Variants in CD81 observed in about 807,000 individuals in gnomAD.
CD81 encodes the protein CD81 antigen.
CD81 carries 10 observed loss-of-function variants against 30.1 expected under a neutral mutation model. The ratio of observed to expected loss-of-function variants is 0.33; its 90% CI spans 0.21 to 0.56. The LOEUF (loss-of-function observed/expected upper bound fraction) is 0.56, where lower values mean the gene tolerates loss of function less well. CD81 is among the 20% of genes least tolerant of loss of function. The pLI, the probability that CD81 is intolerant of heterozygous loss-of-function variation, is 0.89. For synonymous variants in CD81, 147 were observed against 126.4 expected (o/e 1.16, Z -1.10); for missense variants, 263 against 308.7 (o/e 0.85, Z 1.11).
At chr11:2,380,496 G>A (rs1276239940) in intron 1 of CD81, among the ~76,000 whole-genome samples, 6 of 152,112 alleles carry the variant, frequency 3.9e-5, no homozygotes, top group Non-Finnish European at 8.8e-5. Flanking sequence ...GCCAAGGTGC[G>A]AGGGGGAAGG....
chr11:2,395,639 C>A, intron 5 of CD81, 119 bp downstream of exon 5: 1 of 848,728 alleles, frequency 1.2e-6, no homozygotes, highest in Non-Finnish European at 1.9e-6. Context: ...CCCTTGGGAC[C>A]TCCAGGACCC....
At position 2,377,536 on chromosome 11, in the gene CD81, C is replaced by G; in HGVS notation, c.-14C>G. The stretch of plus-strand genomic sequence containing the variant: ...CGGCCCGCGCCCCGCAGGCCGCCCG[C>G]CGCCCGCGCCGCCATGGGAGTGGAG... On this transcript the variant is annotated 5_prime_UTR_variant, in exon 1 of 8. Transcript: ENST00000263645. This position sits in a 1 kb window ranked among gnomAD's most constrained non-coding sequence, Gnocchi z 7.7. 1 of 1,375,674 alleles carries G rather than the reference C, an allele frequency of 7.3e-7. No individual in the cohort carries two copies. Among genetic ancestry groups the G allele is most frequent in the African/African-American group, 1.5e-5 (1 of 64,926 alleles). 85.2% of individuals were successfully genotyped at this position (1,375,674 alleles called of 1,614,324 possible). A position where few individuals can be genotyped will look rare whatever the true frequency, so the allele number is the denominator to read the frequency against.
chr11:2,391,528 C>G (rs1232498980), intron 2 of CD81: 1 of 152,294 alleles, frequency 6.6e-6, no homozygotes, highest in Admixed American at 6.5e-5. Context: ...CTTCCCCATG[C>G]CCCGCTCATG....
chr11:2,394,076 G>C lies in CD81; in HGVS notation c.182-19G>C. 6 of 1,596,808 alleles carry C rather than the reference G, an allele frequency of 3.8e-6. No individual in the cohort carries two copies. Among genetic ancestry groups the C allele is most frequent in the Non-Finnish European group, 5.1e-6 (6 of 1,165,184 alleles). On this transcript the variant is annotated intron_variant, in intron 2 of 7. Transcript: ENST00000263645. ...TGGCGAGTGTGTAGGCACCCACCTG[G>C]TGTCTCTCTCCCCGCAAGGCATCTA...
At position 2,395,443 on chromosome 11, in the gene CD81, G is replaced by A. The variant is rs1481282193; in HGVS notation, c.382G>A (p.Asp128Asn). The stretch of plus-strand genomic sequence containing the variant: ...CGCCAAGGATGTGAAGCAGTTCTAT[G>A]ACCAGGCCCTACAGCAGGCCGTGGT... ...QIAKDVKQFY[D>N]QALQQAVVDD... is the part of the protein sequence containing the mutation. Residue 128 changes from aspartate (D) to asparagine (N), a missense_variant, in exon 5 of 8, where the codon GAC (aspartate) becomes AAC (asparagine). Coordinates refer to ENST00000263645, the MANE Select transcript of CD81 (RefSeq NM_004356.4). The A allele has an allele frequency of 6.2e-7, 1 of 1,612,770 alleles. No individual in the cohort carries two copies.
At position 2,395,462 on chromosome 11, in the gene CD81, C is replaced by T; in HGVS notation, c.401C>T (p.Ala134Val). The change falls in exon 5 of 8, where the codon GCC becomes GTC. Residue 134 changes from alanine (A) to valine (V), a missense_variant. Around this residue, in one of 3 missense-constraint regions of CD81, gnomAD observed 176 missense variants for 192.9 expected, o/e 0.91. Transcript: ENST00000263645. ...KQFYDQALQQ[A>V]VVDDDANNAK... ...TTCTATGACCAGGCCCTACAGCAGGCCGTGGTGGATGATGACGCCAACAAC... is the reference window on the plus strand; with the variant it reads ...TTCTATGACCAGGCCCTACAGCAGGTCGTGGTGGATGATGACGCCAACAAC... 1 of 1,612,796 alleles carries T rather than the reference C, an allele frequency of 6.2e-7. No individual in the cohort carries two copies. Among genetic ancestry groups the T allele is most frequent in the Non-Finnish European group, 8.5e-7 (1 of 1,179,904 alleles).
At chr11:2,376,681 C>G (rs1589842298), upstream of CD81, 2 of 152,266 alleles carry the variant, frequency 1.3e-5, no homozygotes, top group Non-Finnish European at 2.9e-5. Flanking sequence ...GGGAGCTGCC[C>G]TCTCAGGCCC....
intron 2 of CD81, chr11:2,393,312 A>G (rs1339949340): frequency 1.3e-5 from 2 of 153,566 alleles, no homozygotes; most frequent in Non-Finnish European, 1.4e-5. Flanking sequence ...TCTCGGGCCC[A>G]CAGTGCGCCC....
chr11:2,395,374 G>T (rs1363876619), intron 4 of CD81, 42 bp from the exon 5 acceptor site: 2 of 1,506,102 alleles, frequency 1.3e-6, no homozygotes, highest in Non-Finnish European at 1.8e-6. Context: ...GGGCAAGGAG[G>T]GGGAGGTTCC....
chr11:2,386,458 T>G (rs1477040180), intron 1 of CD81: 5 of 690,284 alleles, frequency 7.2e-6, no homozygotes, highest in Non-Finnish European at 1.1e-5. Flanking sequence ...GGTGCTGCCA[T>G]TGCCCTCCCT....
chr11:2,389,749 C>T (rs962976034), intron 1 of CD81, among the ~76,000 whole-genome samples: 1 of 152,130 alleles, frequency 6.6e-6, no homozygotes, highest in Non-Finnish European at 1.5e-5. Context: ...GCTGACATCC[C>T]ACAGCAGGGA....
chr11:2,379,017 A>C, intron 1 of CD81: 1 of 396,118 alleles, frequency 2.5e-6, no homozygotes, highest in Non-Finnish European at 5.2e-6. Flanking sequence ...GGTGGGAGTC[A>C]CTGTGGCCTT....
Position 2,390,440 on chromosome 11 carries a change from C to T in CD81, c.95C>T (p.Ala32Val), listed in dbSNP as rs967772801. 2.5e-6 allele frequency: 4 copies of T among 1,612,732 alleles called. No homozygotes were observed. The highest frequency in any genetic ancestry group is 2.7e-5 in the African/African-American group (2 of 74,942). ...GCTGGAGGCGTGATCCTGGGTGTGGCCCTGTGGCTCCGCCATGACCCGCAG... is the reference window on the plus strand; with the variant it reads ...GCTGGAGGCGTGATCCTGGGTGTGGTCCTGTGGCTCCGCCATGACCCGCAG... ...WLAGGVILGVALWLRHDPQTT... is the reference protein window; with the variant it reads ...WLAGGVILGVVLWLRHDPQTT... Residue 32 changes from alanine to valine, a missense_variant, in exon 2 of 8, where the codon GCC (alanine) becomes GTC (valine). By Grantham distance (64) the Ala-to-Val change is moderately conservative (BLOSUM62 0). Around this residue, in one of 3 missense-constraint regions of CD81, gnomAD observed 84 missense variants for 98.2 expected, o/e 0.86. Transcript: ENST00000263645.
chr11:2,386,481 TA>T (rs984518534), intron 1 of CD81: 20 of 708,898 alleles, frequency 2.8e-5, no homozygotes, highest in Non-Finnish European at 4.7e-5. Flanking sequence ...TAGGTGGCCC[TA>T]GGGGGGTCCC....
At chr11:2,394,752 C>G (rs1201605477) in intron 3 of CD81, 2 of 628,390 alleles carry the variant, frequency 3.2e-6, no homozygotes, top group Non-Finnish European at 5.8e-6. Context: ...GAGCCTGGTG[C>G]CGCGTGGGGA....
In CD81 at chr11:2,380,962, C is replaced by T. The variant is rs998039817; in HGVS notation, c.66+3347C>T. Among the ~76,000 whole-genome samples the T allele has an allele frequency of 3.3e-5, 5 of 152,206 alleles. No individual in the cohort carries two copies. The East Asian group carries it at 7.7e-4, about 23-fold the overall frequency. ...GGAAAGAGACTGATTAGAAGCCTCG[C>T]TCACGGGTATTTCTCGCTTCCAGAC... On this transcript the variant is annotated intron_variant, in intron 1 of 7. Coordinates refer to ENST00000263645, the MANE Select transcript of CD81 (RefSeq NM_004356.4).
intron 1 of CD81, chr11:2,379,049 G>T: frequency 2.6e-5 from 11 of 425,658 alleles, no homozygotes; most frequent in South Asian, 1.6e-4. Context: ...TGGCAGTGGG[G>T]GCAGCTAGGC....
Position 2,388,564 on chromosome 11 carries a change from T to G in CD81, c.67-1848T>G, listed in dbSNP as rs544994963. 5.3e-4 allele frequency among the ~76,000 whole-genome samples: 81 copies of G among 152,328 alleles called. 2 individuals carry two copies. The South Asian group carries it at 0.017, about 32-fold the overall frequency. On this transcript the variant is annotated intron_variant, in intron 1 of 7. Coordinates refer to ENST00000263645, the MANE Select transcript of CD81 (RefSeq NM_004356.4). Reference sequence around the variant, plus strand: ...CTCTTCTGCAGTTGACCGGCAGCCCTGCATCTGTGGTGGGGTCGGCGCCTG... The same window carrying G: ...CTCTTCTGCAGTTGACCGGCAGCCCGGCATCTGTGGTGGGGTCGGCGCCTG...
At chr11:2,388,307 C>G (rs1257349977) in intron 1 of CD81, among the ~76,000 whole-genome samples, 5 of 150,602 alleles carry the variant, frequency 3.3e-5, no homozygotes, top group Non-Finnish European at 4.4e-5. Flanking sequence ...GAGCCCCCAG[C>G]TCCTCCACCC....
Sources: allele counts gnomAD v4.1 joint callset (sites outside exome capture counted in the v4.1 genomes callset), GRCh38; gene constraint gnomAD v4.1.1; regional missense constraint gnomAD v4.1.1; non-coding constraint Gnocchi (gnomAD v3.1); transcripts MANE v1.5; gene names NCBI Gene and HGNC (gene_info 2026-07-23, HGNC 2026-07-21).